The following GABRB1 variants were observed in gnomAD, a reference collection of about 807,000 sequenced individuals.
The protein encoded by GABRB1 is gamma-aminobutyric acid receptor subunit beta-1.
GABRB1 carries 17 observed loss-of-function variants against 51.6 expected under a neutral mutation model. That is an observed-to-expected ratio of 0.33 (90% CI 0.23 to 0.49). GABRB1 has a LOEUF of 0.49. Ranked by LOEUF, GABRB1 falls within the 20% of genes least tolerant of loss-of-function variation. GABRB1 has a pLI of 0.99. For missense variants in GABRB1, 410 were observed against 600.6 expected, an observed-to-expected ratio of 0.68 and a Z score of 3.32; for synonymous variants, 247 against 218.9, an observed-to-expected ratio of 1.13 and a Z score of -1.14.
intron 4 of GABRB1, among the ~76,000 whole-genome samples, chr4:47,216,611 T>C (rs1276857090): frequency 6.6e-6 from 1 of 151,906 alleles, no homozygotes; most frequent in Non-Finnish European, 1.5e-5. Flanking sequence ...CAGAGATTTC[T>C]GATGGGAATT....
At chr4:47,071,392 C>T (rs536676049) in intron 3 of GABRB1, among the ~76,000 whole-genome samples, 30 of 152,198 alleles carry the variant, frequency 2.0e-4, no homozygotes, top group African/African-American at 7.0e-4. Context: ...AAGAAAATTA[C>T]AAGCATTAGT....
Position 47,161,456 on chromosome 4 carries a change from C to G in GABRB1, c.448C>G (p.Leu150Val). ...MIRLHPDGTVLYGLRITTTAA... is the reference protein window; with the variant it reads ...MIRLHPDGTVVYGLRITTTAA... ...TCGACTGCATCCTGATGGAACAGTTCTCTATGGACTCCGGTAAATGGCTTT... is the reference window on the plus strand; with the variant it reads ...TCGACTGCATCCTGATGGAACAGTTGTCTATGGACTCCGGTAAATGGCTTT... The change falls in exon 4 of 9, where the codon CTC becomes GTC. Residue 150 changes from leucine (L) to valine (V), a missense_variant. Physicochemically the swap from Leu to Val is conservative, Grantham distance 32 (BLOSUM62 1). Coordinates refer to ENST00000295454, the MANE Select transcript of GABRB1 (RefSeq NM_000812.4). 6.2e-7 allele frequency: 1 copy of G among 1,610,592 alleles called. No individual in the cohort carries two copies. The highest frequency in any genetic ancestry group is 8.5e-7 in the Non-Finnish European group (1 of 1,177,500).
chr4:47,320,768 T>C (rs976373248), intron 5 of GABRB1, among the ~76,000 whole-genome samples: 14 of 96,656 alleles, frequency 1.4e-4, no homozygotes, highest in Admixed American at 5.5e-4. Context: ...CTTTTCTTTT[T>C]TCTTTTTTTT....
chr4:47,022,567 C>T (rs1166283873), intron 1 of GABRB1, among the ~76,000 whole-genome samples: 1 of 151,954 alleles, frequency 6.6e-6, no homozygotes, highest in Non-Finnish European at 1.5e-5. Context: ...CATTCAATCA[C>T]GTCAGAGAAA....
chr4:47,118,957 A>C (rs1354574390), intron 3 of GABRB1, among the ~76,000 whole-genome samples: 1 of 152,224 alleles, frequency 6.6e-6, no homozygotes, highest in African/African-American at 2.4e-5. Flanking sequence ...AATGGGTAGA[A>C]ATGAACTGAT....
intron 4 of GABRB1, among the ~76,000 whole-genome samples, chr4:47,195,652 C>G (rs1034092667): frequency 1.3e-5 from 2 of 152,126 alleles, no homozygotes; most frequent in Non-Finnish European, 2.9e-5. Flanking sequence ...CATAAGGACT[C>G]CAACCTCCAG....
chr4:47,009,280 AAT>A (rs1724513393), intron 1 of GABRB1, among the ~76,000 whole-genome samples: 1 of 151,304 alleles, frequency 6.6e-6, no homozygotes, highest in Non-Finnish European at 1.5e-5. Context: ...TAAAAAGTTA[AAT>A]ATATGTTTTT....
At chr4:47,352,421 C>T in intron 5 of GABRB1, among the ~76,000 whole-genome samples, 1 of 152,142 alleles carries the variant, frequency 6.6e-6, no homozygotes. Flanking sequence ...TTTTATGAGG[C>T]CAGCATCATC....
chr4:47,032,598 C>T (rs750496436), intron 3 of GABRB1, 114 bp downstream of exon 3: 52 of 972,316 alleles, frequency 5.3e-5, no homozygotes, highest in Non-Finnish European at 7.8e-5. Context: ...CCCTGAGGTC[C>T]CACTCCGCAC....
At position 47,373,798 on chromosome 4, in the gene GABRB1, AC is replaced by A. The variant is rs569219702; in HGVS notation, c.545-29519del. On this transcript the variant is annotated intron_variant, in intron 5 of 8. Coordinates refer to ENST00000295454, the MANE Select transcript of GABRB1 (RefSeq NM_000812.4). ...TTCACAATCTAATATAGACACAGAT[AC>A]ATAAAATTTGGTAAGTGCAAAGAAA... Among the ~76,000 whole-genome samples, 79 of 152,340 alleles carry A rather than the reference AC, an allele frequency of 5.2e-4. 2 individuals carry two copies. The highest frequency in any genetic ancestry group is 1.6e-3 in the African/African-American group (66 of 41,586).
Position 47,406,699 on chromosome 4 carries a change from A to G in GABRB1, c.853A>G (p.Thr285Ala). 6.2e-7 allele frequency: 1 copy of G among 1,614,210 alleles called. No individual in the cohort carries two copies. The highest frequency in any genetic ancestry group is 8.5e-7 in the Non-Finnish European group (1 of 1,180,028). ...TTTCACAGGAATCACGACAGTGCTTACAATGACAACCATCAGCACCCACCT... is the reference window on the plus strand; with the variant it reads ...TTTCACAGGAATCACGACAGTGCTTGCAATGACAACCATCAGCACCCACCT... ...RVALGITTVL[T>A]MTTISTHLRE... Residue 285 changes from threonine to alanine, a missense_variant, in exon 8 of 9, where the codon ACA (threonine) becomes GCA (alanine). By Grantham distance (58) the Thr-to-Ala change is moderately conservative (BLOSUM62 0). Transcript: ENST00000295454.
chr4:47,016,503 C>T (rs4521322), intron 1 of GABRB1, among the ~76,000 whole-genome samples: 130,020 of 152,148 alleles, frequency 0.85, 55,873 homozygotes, highest in South Asian at 0.91. Context: ...AAAAGGAAAA[C>T]GAAATCCAGA....
intron 5 of GABRB1, among the ~76,000 whole-genome samples, chr4:47,374,391 A>G (rs549161000): frequency 1.5e-4 from 23 of 152,338 alleles, no homozygotes; most frequent in African/African-American, 5.3e-4. Context: ...CCTGCCTCAG[A>G]AAACTAAAAA....
intron 3 of GABRB1, among the ~76,000 whole-genome samples, chr4:47,149,003 G>A (rs2109711053): frequency 6.6e-6 from 1 of 152,076 alleles, no homozygotes; most frequent in East Asian, 1.9e-4. Context: ...AAAGAACTTT[G>A]CCCATAGAGT....
intron 3 of GABRB1, among the ~76,000 whole-genome samples, chr4:47,082,707 G>T (rs542215042): frequency 6.6e-6 from 1 of 151,824 alleles, no homozygotes; most frequent in Non-Finnish European, 1.5e-5. Flanking sequence ...GGGATACTGG[G>T]GTATACTGTT....
At chr4:47,387,255 A>AG (rs1398633455) in intron 5 of GABRB1, among the ~76,000 whole-genome samples, 18 of 152,314 alleles carry the variant, frequency 1.2e-4, no homozygotes, top group Admixed American at 1.0e-3. Context: ...TGAGGTCAGA[A>AG]TTCAAGACCA....
chr4:47,031,638 A>C lies in GABRB1; in HGVS notation c.-14A>C, dbSNP rs982480391. On this transcript the variant is annotated 5_prime_UTR_variant, in exon 1 of 9. Transcript: ENST00000295454. ...TCTTCGCAGAAAAGACAATTCTTTT[A>C]ATCAGAGTTAGTAATGTGGACAGTA... 2.5e-6 allele frequency: 4 copies of C among 1,600,690 alleles called. No homozygotes were observed. The highest frequency in any genetic ancestry group is 3.4e-6 in the Non-Finnish European group (4 of 1,168,296).
intron 1 of GABRB1, among the ~76,000 whole-genome samples, chr4:47,021,622 C>T (rs549840036): frequency 5.9e-5 from 9 of 152,212 alleles, no homozygotes; most frequent in Non-Finnish European, 1.0e-4. Context: ...GTTCCTTCTT[C>T]TTTCTGGGAG....
intron 4 of GABRB1, among the ~76,000 whole-genome samples, chr4:47,278,437 G>T (rs1373530641): frequency 2.0e-5 from 3 of 152,122 alleles, no homozygotes; most frequent in Non-Finnish European, 4.4e-5. Flanking sequence ...TTTGCAGGAG[G>T]TGTATAAGAA....
Sources: gnomAD v4.1 joint callset for allele counts (sites outside exome capture counted in the v4.1 genomes callset) on GRCh38, gnomAD v4.1.1 for gene constraint, MANE v1.5 for transcripts, NCBI Gene and HGNC (gene_info 2026-07-23, HGNC 2026-07-21) for gene names.